SRBD1: variants seen among roughly 807,000 people sequenced by gnomAD.
The protein encoded by SRBD1 is S1 RNA binding domain 1, also known as S1 RNA-binding domain-containing protein 1.
SRBD1 carries 88 observed loss-of-function variants against 115.3 expected under a neutral mutation model. The ratio of observed to expected loss-of-function variants is 0.76; its 90% CI spans 0.64 to 0.91. The LOEUF is 0.91. Among genes scored for constraint, SRBD1 ranks in the 40% least tolerant of loss-of-function variants. The probability of loss-of-function intolerance (pLI) is 0.00; values close to 1 mark genes in which losing one functional copy is unlikely to be tolerated. For missense variants in SRBD1, 1,385 were observed against 1,177.4 expected, an observed-to-expected ratio of 1.18 and a Z score of -2.58; for synonymous variants, 509 against 407.7, an observed-to-expected ratio of 1.25 and a Z score of -2.99.
At chr2:45,391,359 C>A (rs1666993752) in intron 20 of SRBD1, among the ~76,000 whole-genome samples, 1 of 152,006 alleles carries the variant, frequency 6.6e-6, no homozygotes, top group South Asian at 2.1e-4. Context: ...TTAATTACAC[C>A]ATTGACAAAA....
chr2:45,557,177 G>T (rs762189353), intron 10 of SRBD1, among the ~76,000 whole-genome samples: 1 of 151,886 alleles, frequency 6.6e-6, no homozygotes, highest in South Asian at 2.1e-4. Context: ...AAAGATGAGG[G>T]TAGAAAATGT....
chr2:45,469,089 C>G (rs536930493), intron 16 of SRBD1, among the ~76,000 whole-genome samples: 1 of 152,022 alleles, frequency 6.6e-6, no homozygotes, highest in Non-Finnish European at 1.5e-5. Context: ...TTGCAAGAGA[C>G]CTTTACATAT....
chr2:45,402,139 A>G (rs1247930445), intron 19 of SRBD1, among the ~76,000 whole-genome samples: 5 of 152,022 alleles, frequency 3.3e-5, no homozygotes, highest in Admixed American at 6.6e-5. Flanking sequence ...CCCTCCCCCA[A>G]TCTCAACTAC....
intron 10 of SRBD1, among the ~76,000 whole-genome samples, chr2:45,561,704 T>A (rs1048309687): frequency 1.8e-4 from 28 of 152,174 alleles, no homozygotes; most frequent in African/African-American, 6.5e-4. Context: ...TTTGTGAGGA[T>A]CAATTACACT....
intron 4 of SRBD1, among the ~76,000 whole-genome samples, chr2:45,597,439 T>C (rs978058912): frequency 1.3e-5 from 2 of 149,304 alleles, no homozygotes; most frequent in Admixed American, 1.3e-4. Context: ...AAAAAAAATG[T>C]GGAACTGCAA....
chr2:45,544,954 T>C (rs1672062003), intron 14 of SRBD1, among the ~76,000 whole-genome samples: 1 of 152,110 alleles, frequency 6.6e-6, no homozygotes, highest in Admixed American at 6.5e-5. Context: ...GCTAAGTAAC[T>C]CTTCAAAACC....
At chr2:45,530,774 A>C (rs1359766052) in intron 14 of SRBD1, among the ~76,000 whole-genome samples, 1 of 152,038 alleles carries the variant, frequency 6.6e-6, no homozygotes, top group African/African-American at 2.4e-5. Context: ...GGGCTGAACC[A>C]TATATGGTAT....
intron 5 of SRBD1, 149 bp from the exon 6 acceptor site, chr2:45,581,959 T>TC: frequency 1.6e-6 from 1 of 632,268 alleles, no homozygotes; most frequent in South Asian, 1.9e-5. Context: ...ATCCCTGCAC[T>TC]CCAACACTTT....
intron 11 of SRBD1, among the ~76,000 whole-genome samples, chr2:45,551,664 G>T (rs1485579072): frequency 6.6e-6 from 1 of 152,136 alleles, no homozygotes; most frequent in African/African-American, 2.4e-5. Flanking sequence ...CCGGACAATG[G>T]AAACAGCATA....
chr2:45,394,380 T>C (rs1386458710), intron 19 of SRBD1, among the ~76,000 whole-genome samples: 1 of 152,232 alleles, frequency 6.6e-6, no homozygotes, highest in African/African-American at 2.4e-5. Flanking sequence ...TTCTACACCA[T>C]TAAGTTCCAT....
chr2:45,439,360 CATATAT>C (rs5830860), intron 16 of SRBD1, among the ~76,000 whole-genome samples: 1 of 144,466 alleles, frequency 6.9e-6, no homozygotes, highest in African/African-American at 2.5e-5. Context: ...TATTCTAGGA[CATATAT>C]ATATATATAT....
intron 14 of SRBD1, among the ~76,000 whole-genome samples, chr2:45,543,869 G>A (rs774264368): frequency 3.9e-5 from 6 of 151,998 alleles, no homozygotes; most frequent in Non-Finnish European, 7.4e-5. Flanking sequence ...TTAACCACAC[G>A]GGTAGATTTT....
Position 45,541,853 on chromosome 2 carries a change from T to C in SRBD1, c.1874+4879A>G, listed in dbSNP as rs547624886. ...GGCTGAGTCCAGGGTTTTTATGGGCTCAGAAGGGAGGAATGCATGCTGATT... is the reference window on the plus strand; with the variant it reads ...GGCTGAGTCCAGGGTTTTTATGGGCCCAGAAGGGAGGAATGCATGCTGATT... On this transcript the variant is annotated intron_variant, in intron 14 of 20. Transcript: ENST00000263736. Among the ~76,000 whole-genome samples, 17 of 152,300 alleles carry C rather than the reference T, an allele frequency of 1.1e-4. No individual in the cohort carries two copies. In the East Asian group the frequency reaches 3.3e-3, roughly 29 times the overall value.
intron 9 of SRBD1, among the ~76,000 whole-genome samples, chr2:45,570,117 G>A (rs188947456): frequency 5.0e-4 from 76 of 152,258 alleles, no homozygotes; most frequent in Non-Finnish European, 8.8e-4. Flanking sequence ...CAGCAGTTGC[G>A]TAGTTGCAAC....
intron 15 of SRBD1, among the ~76,000 whole-genome samples, chr2:45,487,412 A>C (rs1468813103): frequency 6.6e-6 from 1 of 152,204 alleles, no homozygotes; most frequent in Non-Finnish European, 1.5e-5. Flanking sequence ...CAAAGCAATC[A>C]AATACAACTA....
At chr2:45,425,852 G>A (rs551644809) in intron 16 of SRBD1, among the ~76,000 whole-genome samples, 2 of 152,272 alleles carry the variant, frequency 1.3e-5, no homozygotes, top group East Asian at 3.9e-4. Flanking sequence ...TTTGCAACCC[G>A]CAGACCAGGA....
rs942653889 is a variant in SRBD1 at position 45,396,178 on chromosome 2, T to C, written c.2514-3049A>G. Among the ~76,000 whole-genome samples, 5 of 152,184 alleles carry C rather than the reference T, an allele frequency of 3.3e-5. No homozygotes were observed. The East Asian group carries it at 9.6e-4, about 29-fold the overall frequency. Reference sequence around the variant, plus strand: ...TTAAATAACTTGTCCAAGGCCATGATGTTATTCTAACTGGAGTTTTATGCC... The same window carrying C: ...TTAAATAACTTGTCCAAGGCCATGACGTTATTCTAACTGGAGTTTTATGCC... On this transcript the variant is annotated intron_variant, in intron 19 of 20. Transcript: ENST00000263736.
intron 4 of SRBD1, among the ~76,000 whole-genome samples, chr2:45,595,234 C>G (rs1394973037): frequency 6.6e-6 from 1 of 152,164 alleles, no homozygotes; most frequent in African/African-American, 2.4e-5. Flanking sequence ...TGAAAAAAAT[C>G]TGTAGTTTTC....
At chr2:45,593,144 G>A (rs1673777119) in intron 4 of SRBD1, among the ~76,000 whole-genome samples, 1 of 152,084 alleles carries the variant, frequency 6.6e-6, no homozygotes, top group South Asian at 2.1e-4. Context: ...TACTTATTTT[G>A]ACTGTTGTTT....
Sources: allele counts gnomAD v4.1 joint callset (sites outside exome capture counted in the v4.1 genomes callset), GRCh38; gene constraint gnomAD v4.1.1; transcripts MANE v1.5; gene names NCBI Gene and HGNC (gene_info 2026-07-23, HGNC 2026-07-21).